PLXNC1: variants seen among roughly 807,000 people sequenced by gnomAD.
PLXNC1 encodes plexin C1.
Under a neutral mutation model 178.2 loss-of-function variants are expected in PLXNC1, and 75 were observed. The ratio of observed to expected loss-of-function variants is 0.42; its 90% confidence interval spans 0.35 to 0.51. The LOEUF (loss-of-function observed/expected upper bound fraction) is 0.51, where lower values mean the gene tolerates loss of function less well. Among genes scored for constraint, PLXNC1 ranks in the 20% least tolerant of loss-of-function variants. The pLI is 0.02. For missense variants in PLXNC1, 1,503 were observed against 1,984.4 expected (o/e 0.76, Z 4.61); for synonymous variants, 790 against 779.9 (o/e 1.01, Z -0.22).
At chr12:94,261,643 G>T (rs1465289679) in intron 20 of PLXNC1, among the ~76,000 whole-genome samples, 1 of 152,140 alleles carries the variant, frequency 6.6e-6, no homozygotes, top group Admixed American at 6.5e-5. Context: ...GAGGCCCCTG[G>T]TACAGAAGAT....
chr12:94,249,668 G>A (rs1031003059), intron 14 of PLXNC1, among the ~76,000 whole-genome samples: 7 of 151,874 alleles, frequency 4.6e-5, no homozygotes, highest in Non-Finnish European at 1.0e-4. Flanking sequence ...GTAAGACCCT[G>A]TCTCAAAAAA....
At chr12:94,294,981 T>C (rs1967754773) in intron 24 of PLXNC1, among the ~76,000 whole-genome samples, 1 of 151,808 alleles carries the variant, frequency 6.6e-6, no homozygotes, top group East Asian at 1.9e-4. Flanking sequence ...ACTTGCAAAA[T>C]TCCCAGAAAT....
At chr12:94,230,979 T>C (rs751427275) in intron 9 of PLXNC1, among the ~76,000 whole-genome samples, 29 of 152,166 alleles carry the variant, frequency 1.9e-4, no homozygotes, top group Non-Finnish European at 2.5e-4. Flanking sequence ...ATCAGGCACA[T>C]CTCTGGCCAT....
intron 15 of PLXNC1, among the ~76,000 whole-genome samples, chr12:94,254,244 GCA>G (rs771290507): frequency 6.6e-6 from 1 of 152,192 alleles, no homozygotes; most frequent in Non-Finnish European, 1.5e-5. Context: ...GGCCTCTGCA[GCA>G]CAGTTAGAAG....
At chr12:94,177,053 ATGTGTGTGTG>A (rs63244061) in intron 2 of PLXNC1, among the ~76,000 whole-genome samples, 6 of 137,472 alleles carry the variant, frequency 4.4e-5, no homozygotes, top group South Asian at 2.3e-4. Flanking sequence ...TTTCATATAT[ATGTGTGTGTG>A]TGTGTGTGTG....
intron 4 of PLXNC1, among the ~76,000 whole-genome samples, chr12:94,195,326 C>T (rs967455284): frequency 6.6e-6 from 1 of 152,192 alleles, no homozygotes; most frequent in African/African-American, 2.4e-5. Flanking sequence ...TATGTCACAT[C>T]TCGTCCTGAG....
At chr12:94,182,503 C>T (rs1962345632) in intron 3 of PLXNC1, among the ~76,000 whole-genome samples, 2 of 148,628 alleles carry the variant, frequency 1.3e-5, no homozygotes, top group African/African-American at 4.9e-5. Context: ...AGGCAGGGAT[C>T]ACCTGAGTTC....
At chr12:94,180,117 G>C (rs1169270225) in intron 2 of PLXNC1, among the ~76,000 whole-genome samples, 1 of 152,080 alleles carries the variant, frequency 6.6e-6, no homozygotes, top group South Asian at 2.1e-4. Context: ...CCAAAGCCCT[G>C]CCATGGCCTC....
chr12:94,305,598 A>ATGAT lies in PLXNC1; in HGVS notation c.*314_*317dup, dbSNP rs938871576. ...TAACTACAGTCTCCACTTAAGCACA[A>ATGAT]TGATATAAGTGGTTTTGTTTGAAAA... On this transcript the variant is annotated 3_prime_UTR_variant, in exon 31 of 31. Coordinates refer to ENST00000258526, the MANE Select transcript of PLXNC1 (RefSeq NM_005761.3). 3 of 254,286 alleles carry ATGAT rather than the reference A, an allele frequency of 1.2e-5. No homozygotes were observed. Among genetic ancestry groups the ATGAT allele is most frequent in the Non-Finnish European group, 2.3e-5 (3 of 132,460 alleles). The allele number at this position is 254,286 out of a possible 1,614,324, so 15.8% of individuals were successfully genotyped here.
At chr12:94,205,899 A>T (rs1394325845) in intron 4 of PLXNC1, among the ~76,000 whole-genome samples, 1 of 152,268 alleles carries the variant, frequency 6.6e-6, no homozygotes, top group African/African-American at 2.4e-5. Context: ...ATAGGAAGGC[A>T]TGAAGCCAGG....
chr12:94,149,152 A>G lies in PLXNC1; in HGVS notation c.181A>G (p.Ser61Gly). ...ASQEDGVFVA[S>G]GSCLDQLDYS... ...CCAGGAGGACGGCGTGTTTGTGGCG[A>G]GCGGCAGCTGCCTGGACCAGCTGGA... The change falls in exon 1 of 31, where the codon AGC becomes GGC. Residue 61 changes from serine (S) to glycine (G), a missense_variant. Physicochemically the swap from Ser to Gly is moderately conservative, Grantham distance 56. Around this residue, in one of 4 missense-constraint regions of PLXNC1, gnomAD observed 176 missense variants for 180.7 expected, o/e 0.97. Transcript: ENST00000258526. 6.3e-7 allele frequency: 1 copy of G among 1,590,360 alleles called. No homozygotes were observed. The highest frequency in any genetic ancestry group is 2.3e-5 in the East Asian group (1 of 42,588).
At position 94,224,276 on chromosome 12, in the gene PLXNC1, C is replaced by T. The variant is rs547129297; in HGVS notation, c.1751C>T (p.Ser584Leu). 1 of 1,599,502 alleles carries T rather than the reference C, an allele frequency of 6.3e-7. No individual in the cohort carries two copies. Among genetic ancestry groups the T allele is most frequent in the East Asian group, 2.2e-5 (1 of 44,828 alleles). ...TTCTCCTTCGGTTCTTGGAATTTAT[C>T]AGACAGATTCAACTTTACCAACTGC... is the stretch of plus-strand genomic sequence containing the variant. ...VMFSFGSWNL[S>L]DRFNFTNCSS... The change falls in exon 7 of 31, where the codon TCA becomes TTA. Residue 584 changes from serine to leucine, a missense_variant. Ser to Leu is a moderately radical substitution (Grantham distance 145). Coordinates refer to ENST00000258526, the MANE Select transcript of PLXNC1 (RefSeq NM_005761.3).
At chr12:94,214,224 A>G (rs1403565570) in intron 5 of PLXNC1, among the ~76,000 whole-genome samples, 1 of 152,048 alleles carries the variant, frequency 6.6e-6, no homozygotes, top group African/African-American at 2.4e-5. Flanking sequence ...AGCTGGGACT[A>G]CAGGTGTGAA....
At chr12:94,251,945 A>G (rs1762302140) in intron 15 of PLXNC1, among the ~76,000 whole-genome samples, 2 of 151,968 alleles carry the variant, frequency 1.3e-5, no homozygotes, top group African/African-American at 2.4e-5. Context: ...GTGAGCCGAG[A>G]TCACACCACT....
chr12:94,153,093 G>A (rs536920049), intron 1 of PLXNC1, among the ~76,000 whole-genome samples: 47 of 152,310 alleles, frequency 3.1e-4, no homozygotes, highest in African/African-American at 9.9e-4. Context: ...TTTGAGCCCC[G>A]CATCAAGTCT....
intron 23 of PLXNC1, among the ~76,000 whole-genome samples, chr12:94,288,718 C>T (rs541788541): frequency 6.6e-6 from 1 of 152,342 alleles, no homozygotes; most frequent in South Asian, 2.1e-4. Context: ...CATCAGTTTC[C>T]AGCCTTGGGG....
chr12:94,177,230 CAT>C (rs568262912), intron 2 of PLXNC1, among the ~76,000 whole-genome samples: 46,084 of 96,664 alleles, frequency 0.48, 9,372 homozygotes, highest in South Asian at 0.62. Context: ...TATATATATA[CAT>C]ATATATATAT....
Position 94,148,625 on chromosome 12 carries a change from C to T in PLXNC1, c.-347C>T, listed in dbSNP as rs1960812800. The T allele has an allele frequency of 6.6e-6, 1 of 151,988 alleles. No homozygotes were observed. The highest frequency in any genetic ancestry group is 2.1e-4 in the South Asian group (1 of 4,824). The allele number at this position is 151,988 out of a possible 1,614,324, so 9.4% of individuals were successfully genotyped here. A position where few individuals can be genotyped will look rare whatever the true frequency, so the allele number is the denominator to read the frequency against. On this transcript the variant is annotated 5_prime_UTR_variant, in exon 1 of 31. Coordinates refer to ENST00000258526, the MANE Select transcript of PLXNC1 (RefSeq NM_005761.3). This position sits in a 1 kb window ranked among gnomAD's most constrained non-coding sequence, Gnocchi z 4.8. ...AGCGCACCCAACCTCTCCAGCCCTC[C>T]CCGCCCGCCTCGCTCCTCTCCGCCC...
At chr12:94,256,526 T>C (rs1234135227) in intron 17 of PLXNC1, among the ~76,000 whole-genome samples, 2 of 152,122 alleles carry the variant, frequency 1.3e-5, no homozygotes, top group Non-Finnish European at 2.9e-5. Flanking sequence ...CATCCATTTC[T>C]ATGGCAGAAC....
Sources: gnomAD v4.1 joint callset for allele counts (sites outside exome capture counted in the v4.1 genomes callset) on GRCh38, gnomAD v4.1.1 for gene constraint, gnomAD v4.1.1 regional missense constraint, Gnocchi (gnomAD v3.1) non-coding constraint, MANE v1.5 for transcripts, NCBI Gene and HGNC (gene_info 2026-07-23, HGNC 2026-07-21) for gene names.